Variants in CSMD1 observed in about 807,000 individuals in gnomAD.
The protein encoded by CSMD1 is CUB and Sushi multiple domains 1, also known as CUB and sushi domain-containing protein 1.
Under a neutral mutation model 417.5 loss-of-function variants are expected in CSMD1, and 213 were observed. The observed-to-expected ratio is 0.51, with a 90% CI of 0.46 to 0.57. The LOEUF (loss-of-function observed/expected upper bound fraction) is 0.57, where lower values mean the gene tolerates loss of function less well. Ranked by LOEUF, CSMD1 falls within the 20% of genes least tolerant of loss-of-function variation. The pLI, the probability that CSMD1 is intolerant of heterozygous loss-of-function variation, is 0.00. For missense variants in CSMD1, 6,923 were observed against 4,529.7 expected, an observed-to-expected ratio of 1.53 and a Z score of -15.17; for synonymous variants, 2,862 against 1,736.8, an observed-to-expected ratio of 1.65 and a Z score of -16.11.
At chr8:3,689,888 A>T (rs529598959) in intron 7 of CSMD1, among the ~76,000 whole-genome samples, 1 of 152,348 alleles carries the variant, frequency 6.6e-6, no homozygotes, top group South Asian at 2.1e-4. Flanking sequence ...TTTCATAGGG[A>T]TATTGATTCA....
intron 3 of CSMD1, among the ~76,000 whole-genome samples, chr8:4,182,961 G>T (rs926493849): frequency 3.3e-5 from 5 of 152,036 alleles, no homozygotes; most frequent in East Asian, 1.9e-4. Context: ...GGCCAATAAA[G>T]AAAGAGGCAA....
At chr8:3,521,307 C>G (rs571870998) in intron 10 of CSMD1, among the ~76,000 whole-genome samples, 1 of 152,198 alleles carries the variant, frequency 6.6e-6, no homozygotes, top group Non-Finnish European at 1.5e-5. Flanking sequence ...GACTTACTCT[C>G]TCTCAAATTC....
In CSMD1 at chr8:4,423,598, G is replaced by T. The variant is rs1474851925; in HGVS notation, c.303-3533C>A. Among the ~76,000 whole-genome samples, 3 of 152,144 alleles carry T rather than the reference G, an allele frequency of 2.0e-5. No individual in the cohort carries two copies. In the East Asian group the frequency reaches 5.8e-4, roughly 29 times the overall value. ...TACCATGTTAATAGTATGGAAGATG[G>T]AAGACTCAATAATGTAAAGATATAG... is the stretch of plus-strand genomic sequence containing the variant. On this transcript the variant is annotated intron_variant, in intron 2 of 69. Transcript: ENST00000635120.
At chr8:4,581,398 T>C (rs975922075) in intron 2 of CSMD1, among the ~76,000 whole-genome samples, 2 of 152,246 alleles carry the variant, frequency 1.3e-5, no homozygotes, top group African/African-American at 4.8e-5. Flanking sequence ...ATGTTTAAGA[T>C]ATGACTCCAA....
chr8:3,476,239 T>C (rs1817410728), intron 11 of CSMD1, among the ~76,000 whole-genome samples: 1 of 152,158 alleles, frequency 6.6e-6, no homozygotes. Flanking sequence ...GACTCTGAAA[T>C]CTTTCATCAA....
intron 12 of CSMD1, among the ~76,000 whole-genome samples, chr8:3,461,578 G>C (rs996945097): frequency 6.6e-6 from 1 of 152,178 alleles, no homozygotes; most frequent in African/African-American, 2.4e-5. Flanking sequence ...GAGGGGAGCT[G>C]TCTCCATCAG....
intron 8 of CSMD1, among the ~76,000 whole-genome samples, chr8:3,601,324 A>G (rs75216172): frequency 0.021 from 3,238 of 152,330 alleles, 124 homozygotes; most frequent in African/African-American, 0.075. Context: ...GCTTCTGCAG[A>G]CATATAGGAG....
chr8:4,130,754 G>A (rs1472595802), intron 3 of CSMD1, among the ~76,000 whole-genome samples: 1 of 151,764 alleles, frequency 6.6e-6, no homozygotes, highest in Non-Finnish European at 1.5e-5. Context: ...AAGATTTTGA[G>A]GTGGTTAACA....
chr8:3,083,173 ATAT>A (rs1251703387), intron 49 of CSMD1, among the ~76,000 whole-genome samples: 1 of 152,122 alleles, frequency 6.6e-6, no homozygotes, highest in East Asian at 1.9e-4. Context: ...TCTTCCTTAT[ATAT>A]TAACTCTCTT....
chr8:4,653,284 A>G (rs906321873), intron 1 of CSMD1, among the ~76,000 whole-genome samples: 6 of 152,274 alleles, frequency 3.9e-5, no homozygotes, highest in African/African-American at 1.4e-4. Flanking sequence ...CTCCCAAGTA[A>G]CTGAATTAAG....
chr8:4,127,932 T>G (rs917460942), intron 3 of CSMD1, among the ~76,000 whole-genome samples: 1 of 152,192 alleles, frequency 6.6e-6, no homozygotes, highest in Non-Finnish European at 1.5e-5. Flanking sequence ...GCATGCACAG[T>G]TAAACACTAT....
At chr8:3,676,199 T>C (rs1230538602) in intron 7 of CSMD1, among the ~76,000 whole-genome samples, 2 of 152,230 alleles carry the variant, frequency 1.3e-5, no homozygotes, top group African/African-American at 4.8e-5. Context: ...CGTTTGTCCA[T>C]ACTGCATTAT....
chr8:3,295,394 G>A (rs1803891712), intron 25 of CSMD1, among the ~76,000 whole-genome samples: 1 of 152,096 alleles, frequency 6.6e-6, no homozygotes, highest in Non-Finnish European at 1.5e-5. Context: ...CCAAAGTGCT[G>A]GGATTAGAGG....
chr8:3,297,191 G>T (rs892075323), intron 25 of CSMD1, among the ~76,000 whole-genome samples: 1 of 152,090 alleles, frequency 6.6e-6, no homozygotes, highest in Non-Finnish European at 1.5e-5. Context: ...TAAATAAATG[G>T]AGAGGTATAC....
At position 4,098,985 on chromosome 8, in the gene CSMD1, A is replaced by T. The variant is rs116745635; in HGVS notation, c.416-66886T>A. On this transcript the variant is annotated intron_variant, in intron 3 of 69. Coordinates refer to ENST00000635120, the MANE Select transcript of CSMD1 (RefSeq NM_033225.6). Reference sequence around the variant, plus strand: ...AATTTTCAAAGAGGTAAGAATACACATGAACTCTCTTAGACTCCAAACAAC... The same window carrying T: ...AATTTTCAAAGAGGTAAGAATACACTTGAACTCTCTTAGACTCCAAACAAC... Among the ~76,000 whole-genome samples, 790 of 152,300 alleles carry T rather than the reference A, an allele frequency of 5.2e-3. 6 individuals carry two copies. The highest frequency in any genetic ancestry group is 0.018 in the African/African-American group (755 of 41,552).
intron 1 of CSMD1, among the ~76,000 whole-genome samples, chr8:4,987,061 C>T (rs867087682): frequency 2.0e-4 from 30 of 152,262 alleles, no homozygotes; most frequent in African/African-American, 7.0e-4. Flanking sequence ...TTTACTATCT[C>T]AAAGTTAGAA....
chr8:4,319,795 C>A (rs1163294356), intron 3 of CSMD1, among the ~76,000 whole-genome samples: 2 of 152,092 alleles, frequency 1.3e-5, no homozygotes, highest in African/African-American at 4.8e-5. Context: ...GAGAAGAGAG[C>A]TTCACAAGAG....
intron 3 of CSMD1, among the ~76,000 whole-genome samples, chr8:4,037,064 G>T (rs1030668245): frequency 1.3e-5 from 2 of 151,986 alleles, no homozygotes; most frequent in African/African-American, 4.8e-5. Context: ...TGCTGAGACA[G>T]CTCTGGCCAC....
intron 49 of CSMD1, among the ~76,000 whole-genome samples, chr8:3,059,077 T>C (rs903444180): frequency 6.6e-6 from 1 of 152,034 alleles, no homozygotes; most frequent in Non-Finnish European, 1.5e-5. Flanking sequence ...GTTCCCCGCA[T>C]GTGTCTCCTC....
Sources: gnomAD v4.1 joint callset for allele counts (sites outside exome capture counted in the v4.1 genomes callset) on GRCh38, gnomAD v4.1.1 for gene constraint, MANE v1.5 for transcripts, NCBI Gene and HGNC (gene_info 2026-07-23, HGNC 2026-07-21) for gene names.